CHGB: variants seen among roughly 807,000 people sequenced by gnomAD.
CHGB encodes secretogranin-1.
Under a neutral mutation model 69.9 loss-of-function variants are expected in CHGB, and 46 were observed. The observed-to-expected ratio is 0.66, with a 90% CI of 0.52 to 0.84. The LOEUF is 0.84. Ranked by LOEUF, CHGB falls within the 40% of genes least tolerant of loss-of-function variation. CHGB has a pLI of 0.00. For missense variants in CHGB, 796 were observed against 822.2 expected (o/e 0.97, Z 0.39); for synonymous variants, 312 against 298.2 (o/e 1.05, Z -0.48).
In CHGB at chr20:5,923,544, T is replaced by G. The variant is rs1012057050; in HGVS notation, c.1400T>G (p.Leu467Arg). The change falls in exon 4 of 5, where the codon CTG becomes CGG. Residue 467 changes from leucine (L) to arginine (R), a missense_variant. Physicochemically the swap from Leu to Arg is moderately radical, Grantham distance 102. Around this residue, in one of 3 missense-constraint regions of CHGB, gnomAD observed 274 missense variants for 298.9 expected, o/e 0.92. Transcript: ENST00000378961. ...CATCCACAAGGTGCGTGGAAAGAGC[T>G]GGACAGAAATTATCTCAACTACGGT... Reference protein sequence around the residue: ...RRHPQGAWKELDRNYLNYGEE... With the variant: ...RRHPQGAWKERDRNYLNYGEE... The G allele has an allele frequency of 1.9e-6, 3 of 1,614,088 alleles. No homozygotes were observed. In the Admixed American group the frequency reaches 5.0e-5, roughly 27 times the overall value.
intron 1 of CHGB, 122 bp downstream of exon 1, chr20:5,911,804 T>C: frequency 1.1e-6 from 1 of 944,218 alleles, no homozygotes. Context: ...AAGGTTTACC[T>C]CTTGCTTCGT....
intron 3 of CHGB, chr20:5,917,918 T>G (rs1178187478): frequency 1.4e-5 from 2 of 145,924 alleles, no homozygotes; most frequent in Non-Finnish European, 3.0e-5. Flanking sequence ...GTGGATCACC[T>G]GAGGTCAGCA....
chr20:5,923,718 A>G lies in CHGB; in HGVS notation c.1574A>G (p.Tyr525Cys), dbSNP rs764097665. 2 of 1,614,182 alleles carry G rather than the reference A, an allele frequency of 1.2e-6. No homozygotes were observed. The highest frequency in any genetic ancestry group is 1.7e-6 in the Non-Finnish European group (2 of 1,180,030). The change falls in exon 4 of 5, where the codon TAC (tyrosine) becomes TGC (cysteine). Residue 525 changes from tyrosine to cysteine, a missense_variant. Physicochemically the swap from Tyr to Cys is radical, Grantham distance 194. This residue lies in a region of CHGB where 274 missense variants were observed against 298.9 expected (regional missense o/e 0.92). Transcript: ENST00000378961. ...RKRLGELFNP[Y>C]YDPLQWKSSH... ...AGATTAGGGGAACTGTTCAACCCAT[A>G]CTACGACCCTCTCCAGTGGAAGAGC...
In CHGB at chr20:5,923,790, G is replaced by A. The variant is rs767886977; in HGVS notation, c.1646G>A (p.Gly549Asp). The change falls in exon 4 of 5, where the codon GGT (glycine) becomes GAT (aspartate). Residue 549 changes from glycine to aspartate, a missense_variant. Around this residue, in one of 3 missense-constraint regions of CHGB, gnomAD observed 274 missense variants for 298.9 expected, o/e 0.92. Transcript: ENST00000378961. ...AACATGAATGACAATTTTCTCGAGG[G>A]TGAGGAGGAAAATGAGCTGACCTTG... ...RDNMNDNFLE[G>D]EEENELTLNE... is the part of the protein sequence containing the mutation. 26 of 1,614,096 alleles carry A rather than the reference G, an allele frequency of 1.6e-5. No individual in the cohort carries two copies. Among genetic ancestry groups the A allele is most frequent in the Admixed American group, 5.0e-5 (3 of 60,008 alleles).
intron 3 of CHGB, 117 bp from the exon 4 acceptor site, chr20:5,922,216 CTT>C: frequency 7.6e-7 from 1 of 1,318,686 alleles, no homozygotes; most frequent in Non-Finnish European, 9.9e-7. Flanking sequence ...TCTTCATTAA[CTT>C]AAATAATTAT....
chr20:5,918,804 T>C (rs568530541), intron 3 of CHGB, among the ~76,000 whole-genome samples: 62 of 93,928 alleles, frequency 6.6e-4, no homozygotes, highest in Middle Eastern at 0.012. Context: ...AGAGCGAGTC[T>C]CTGTCTAAAA....
At chr20:5,921,847 T>C (rs933721889) in intron 3 of CHGB, among the ~76,000 whole-genome samples, 10 of 152,250 alleles carry the variant, frequency 6.6e-5, no homozygotes, top group African/African-American at 2.4e-4. Flanking sequence ...ATATTTCTTA[T>C]TTTGGCTAGT....
chr20:5,913,755 G>C (rs892931838), intron 1 of CHGB, among the ~76,000 whole-genome samples: 1 of 149,978 alleles, frequency 6.7e-6, no homozygotes, highest in Admixed American at 6.7e-5. Flanking sequence ...TCAGCCTCCC[G>C]AGTAGCTGGG....
At position 5,924,954 on chromosome 20, in the gene CHGB, C is replaced by T. The variant is rs1402450521; in HGVS notation, c.1957-18C>T. The T allele has an allele frequency of 1.8e-5, 29 of 1,573,670 alleles. No homozygotes were observed. The highest frequency in any genetic ancestry group is 2.7e-5 in the African/African-American group (2 of 74,068). On this transcript the variant is annotated intron_variant, in intron 4 of 4. Transcript: ENST00000378961. ...ATTGGTTCGGGACCTCATGCCTCCACTTTTCTGTATTTTCCAGAAAAAAGA... is the reference window on the plus strand; with the variant it reads ...ATTGGTTCGGGACCTCATGCCTCCATTTTTCTGTATTTTCCAGAAAAAAGA...
Position 5,925,031 on chromosome 20 carries a change from A to G in CHGB, c.2016A>G (p.Lys672=). 1 of 1,613,112 alleles carries G rather than the reference A, an allele frequency of 6.2e-7. No homozygotes were observed. ...TGGAACTACAGAAGATAGCTGAGAA[A>G]TTCAGCCAAAGGGGCTGACTGTCAT... ...MDLELQKIAE[K]FSQRG is the part of the protein sequence containing the mutation. Residue 672 remains lysine, a synonymous_variant, in exon 5 of 5, where the codon AAA becomes AAG. Transcript: ENST00000378961.
chr20:5,911,647 T>G lies in CHGB; in HGVS notation c.14T>G (p.Leu5Arg), dbSNP rs2088447161. 1 of 1,510,812 alleles carries G rather than the reference T, an allele frequency of 6.6e-7. No individual in the cohort carries two copies. Among genetic ancestry groups the G allele is most frequent in the African/African-American group, 1.4e-5 (1 of 69,118 alleles). The allele number at this position is 1,510,812 out of a possible 1,614,324, so 93.6% of individuals were successfully genotyped here. A position where few individuals can be genotyped will look rare whatever the true frequency, so the allele number is the denominator to read the frequency against. Reference protein sequence around the residue: MQPTLLLSLLGAVGL... With the variant: MQPTRLLSLLGAVGL... ...CCGAGCGGGGCCATGCAGCCAACGC[T>G]GCTTCTCAGCCTCCTGGGAGCCGTG... The change falls in exon 1 of 5, where the codon CTG becomes CGG. Residue 5 changes from leucine (L) to arginine (R), a missense_variant. Around this residue, in one of 3 missense-constraint regions of CHGB, gnomAD observed 518 missense variants for 506.3 expected, o/e 1.02. Coordinates refer to ENST00000378961, the MANE Select transcript of CHGB (RefSeq NM_001819.3).
rs2088447424 is a variant in CHGB at position 5,911,671 on chromosome 20, T to TG, written c.42dup (p.Leu15AlafsTer11). ...CTGCTTCTCAGCCTCCTGGGAGCCG[T>TG]GGGGCTGGCGGGTGAGTGGGCGCGG... On this transcript the variant is annotated frameshift_variant, in exon 1 of 5. Transcript: ENST00000378961. LOFTEE classifies it high-confidence loss of function. 1 of 1,486,492 alleles carries TG rather than the reference T, an allele frequency of 6.7e-7. No individual in the cohort carries two copies. The highest frequency in any genetic ancestry group is 8.9e-7 in the Non-Finnish European group (1 of 1,123,294). The allele number at this position is 1,486,492 out of a possible 1,614,324, so 92.1% of individuals were successfully genotyped here.
In CHGB at chr20:5,923,849, G is replaced by A. The variant is rs767630884; in HGVS notation, c.1705G>A (p.Asp569Asn). ...EKNFFPEYNYDWWEKKPFSED... is the reference protein window; with the variant it reads ...EKNFFPEYNYNWWEKKPFSED... ...GAATTTCTTCCCAGAATACAACTAT[G>A]ACTGGTGGGAGAAAAAGCCCTTCTC... Residue 569 changes from aspartate (D) to asparagine (N), a missense_variant, in exon 4 of 5, where the codon GAC (aspartate) becomes AAC (asparagine). Asp to Asn is a conservative substitution (Grantham distance 23). Coordinates refer to ENST00000378961, the MANE Select transcript of CHGB (RefSeq NM_001819.3). 1 of 1,614,202 alleles carries A rather than the reference G, an allele frequency of 6.2e-7. No homozygotes were observed. Among genetic ancestry groups the A allele is most frequent in the South Asian group, 1.1e-5 (1 of 91,064 alleles).
chr20:5,912,395 T>C (rs1486670693), intron 1 of CHGB, among the ~76,000 whole-genome samples: 1 of 152,184 alleles, frequency 6.6e-6, no homozygotes, highest in Non-Finnish European at 1.5e-5. Context: ...CCTCATTTTT[T>C]AGTTATGAAT....
chr20:5,924,533 T>G (rs1026513403), intron 4 of CHGB, among the ~76,000 whole-genome samples: 1 of 152,204 alleles, frequency 6.6e-6, no homozygotes, highest in African/African-American at 2.4e-5. Flanking sequence ...GCAGGGAGAA[T>G]AGGTGATAGA....
In CHGB at chr20:5,923,798, G is replaced by T; in HGVS notation, c.1654G>T (p.Glu552Ter). The stretch of plus-strand genomic sequence containing the variant: ...TGACAATTTTCTCGAGGGTGAGGAG[G>T]AAAATGAGCTGACCTTGAACGAGAA... ...MNDNFLEGEE[E>*]NELTLNEKNF... The change falls in exon 4 of 5, where the codon GAA (glutamate) becomes TAA (stop). Residue 552 changes from glutamate (E) to a stop codon, truncating the protein, a stop_gained. Transcript: ENST00000378961. LOFTEE classifies it high-confidence loss of function. The T allele has an allele frequency of 6.2e-7, 1 of 1,614,206 alleles. No homozygotes were observed. The highest frequency in any genetic ancestry group is 8.5e-7 in the Non-Finnish European group (1 of 1,180,024).
chr20:5,923,807 C>T lies in CHGB; in HGVS notation c.1663C>T (p.Leu555=), dbSNP rs1470330435. ...NFLEGEEENE[L]TLNEKNFFPE... Reference sequence around the variant, plus strand: ...TCTCGAGGGTGAGGAGGAAAATGAGCTGACCTTGAACGAGAAGAATTTCTT... The same window carrying T: ...TCTCGAGGGTGAGGAGGAAAATGAGTTGACCTTGAACGAGAAGAATTTCTT... The change falls in exon 4 of 5, where the codon CTG becomes TTG. Residue 555 remains leucine, a synonymous_variant. Coordinates refer to ENST00000378961, the MANE Select transcript of CHGB (RefSeq NM_001819.3). 2.5e-6 allele frequency: 4 copies of T among 1,614,046 alleles called. No individual in the cohort carries two copies. Among genetic ancestry groups the T allele is most frequent in the African/African-American group, 2.7e-5 (2 of 74,920 alleles).
In CHGB at chr20:5,922,620, A is replaced by C; in HGVS notation, c.476A>C (p.Lys159Thr). Residue 159 changes from lysine (K) to threonine (T), a missense_variant, in exon 4 of 5, where the codon AAG becomes ACG. Lys to Thr is a moderately conservative substitution (Grantham distance 78). Coordinates refer to ENST00000378961, the MANE Select transcript of CHGB (RefSeq NM_001819.3). The part of the protein sequence containing the change: ...SEEVKTRHSE[K>T]SQREDEEEEE... ...GAAGTGAAGACACGCCATTCTGAGA[A>C]GAGCCAGAGAGAGGATGAGGAGGAG... is the stretch of plus-strand genomic sequence containing the variant. 6.2e-7 allele frequency: 1 copy of C among 1,614,218 alleles called. No homozygotes were observed. The highest frequency in any genetic ancestry group is 2.2e-5 in the East Asian group (1 of 44,878).
At chr20:5,916,124 T>C in intron 1 of CHGB, 1 of 589,554 alleles carries the variant, frequency 1.7e-6, no homozygotes, top group Non-Finnish European at 3.0e-6. Flanking sequence ...AAATGGGACA[T>C]TTCTGGTTCC....
Sources: allele counts gnomAD v4.1 joint callset (sites outside exome capture counted in the v4.1 genomes callset), GRCh38; gene constraint gnomAD v4.1.1; regional missense constraint gnomAD v4.1.1; transcripts MANE v1.5; gene names NCBI Gene and HGNC (gene_info 2026-07-23, HGNC 2026-07-21).